SCN8A: variants seen among roughly 807,000 people sequenced by gnomAD.
SCN8A encodes the protein sodium voltage-gated channel alpha subunit 8.
In SCN8A, 30 loss-of-function variants were observed where a neutral mutation model predicts 184.1. The observed-to-expected ratio is 0.16, with a 90% CI of 0.12 to 0.22. SCN8A has a LOEUF of 0.22. Ranked by LOEUF, SCN8A falls within the 10% of genes least tolerant of loss-of-function variation. SCN8A has a pLI of 1.00. For missense variants in SCN8A, 1,057 were observed against 2,498.9 expected (o/e 0.42, Z 12.30); for synonymous variants, 852 against 907.0 (o/e 0.94, Z 1.09).
At chr12:51,599,018 C>T (rs973085012) in intron 1 of SCN8A, among the ~76,000 whole-genome samples, 1 of 152,084 alleles carries the variant, frequency 6.6e-6, no homozygotes, top group Admixed American at 6.6e-5. Context: ...TCCTACTAAC[C>T]TACATTGCTT....
intron 2 of SCN8A, among the ~76,000 whole-genome samples, chr12:51,675,286 G>A (rs1489043127): frequency 6.6e-6 from 1 of 152,234 alleles, no homozygotes; most frequent in Non-Finnish European, 1.5e-5. Flanking sequence ...TGACCAGAAC[G>A]TGAGCAGGAA....
chr12:51,732,308 AC>A (rs1184036607), intron 12 of SCN8A, among the ~76,000 whole-genome samples: 2 of 152,034 alleles, frequency 1.3e-5, no homozygotes, highest in Non-Finnish European at 2.9e-5. Flanking sequence ...TTTTCCCAGA[AC>A]CATTTATTGA....
In SCN8A at chr12:51,721,631, T is replaced by G; in HGVS notation, c.1721T>G (p.Phe574Cys). 6.2e-7 allele frequency: 1 copy of G among 1,612,728 alleles called. No homozygotes were observed. The highest frequency in any genetic ancestry group is 1.1e-5 in the South Asian group (1 of 90,694). ...SIFSFRGPGR[F>C]RDPGSENEFA... ...TTCAGTTTCAGGGGACCTGGGCGGT[T>G]CCGAGACCCGGGCTCCGAGAATGAG... Residue 574 changes from phenylalanine to cysteine, a missense_variant, in exon 12 of 27, where the codon TTC (phenylalanine) becomes TGC (cysteine). Physicochemically the swap from Phe to Cys is radical, Grantham distance 205 (BLOSUM62 -2). Transcript: ENST00000627620.
intron 1 of SCN8A, among the ~76,000 whole-genome samples, chr12:51,615,246 T>G (rs755416816): frequency 6.8e-4 from 104 of 152,310 alleles, no homozygotes; most frequent in Non-Finnish European, 1.3e-3. Flanking sequence ...TATTACCACT[T>G]TAAGTGGAAT....
intron 26 of SCN8A, among the ~76,000 whole-genome samples, chr12:51,798,096 T>A (rs1471519893): frequency 6.6e-6 from 1 of 152,172 alleles, no homozygotes; most frequent in Admixed American, 6.5e-5. Flanking sequence ...CTGGAGAACT[T>A]TGCCCCAGCC....
At chr12:51,607,931 G>T (rs1939630985) in intron 1 of SCN8A, among the ~76,000 whole-genome samples, 2 of 151,878 alleles carry the variant, frequency 1.3e-5, no homozygotes, top group African/African-American at 4.8e-5. Flanking sequence ...TTAGGGTGAT[G>T]CTGGCTTCAT....
At chr12:51,786,394 G>T in intron 21 of SCN8A, 148 bp from the exon 22 acceptor site, 1 of 904,432 alleles carries the variant, frequency 1.1e-6, no homozygotes. Flanking sequence ...GGTCCTACTT[G>T]TCAGTCTGTC....
intron 1 of SCN8A, among the ~76,000 whole-genome samples, chr12:51,648,925 C>T (rs1480140669): frequency 2.0e-5 from 3 of 152,180 alleles, no homozygotes; most frequent in Non-Finnish European, 2.9e-5. Context: ...TCCAAAGTCT[C>T]ATCTGAGATG....
At chr12:51,776,833 C>T (rs944287392) in intron 20 of SCN8A, among the ~76,000 whole-genome samples, 3 of 152,202 alleles carry the variant, frequency 2.0e-5, no homozygotes, top group Admixed American at 6.5e-5. Flanking sequence ...TGTTACTCAT[C>T]GCATTTGTTT....
chr12:51,616,008 A>G (rs1188891077), intron 1 of SCN8A, among the ~76,000 whole-genome samples: 1 of 152,162 alleles, frequency 6.6e-6, no homozygotes, highest in Non-Finnish European at 1.5e-5. Context: ...GTGAGACTAC[A>G]GGCGTGAGCC....
chr12:51,689,132 A>G lies in SCN8A; in HGVS notation c.706+36A>G, dbSNP rs189697621. ...TTGTACATAAGACTGACTTTGCCACATCTCCTCTTTCTCCTCCATTCGTTT... is the reference window on the plus strand; with the variant it reads ...TTGTACATAAGACTGACTTTGCCACGTCTCCTCTTTCTCCTCCATTCGTTT... On this transcript the variant is annotated intron_variant, in intron 6 of 26. Transcript: ENST00000627620. 1,165 of 1,452,564 alleles carry G rather than the reference A, an allele frequency of 8.0e-4. 4 individuals carry two copies. The highest frequency in any genetic ancestry group is 3.1e-3 in the Admixed American group (164 of 53,296). 90.0% of individuals were successfully genotyped at this position (1,452,564 alleles called of 1,614,324 possible).
chr12:51,609,582 G>T (rs769895380), intron 1 of SCN8A, among the ~76,000 whole-genome samples: 1 of 151,998 alleles, frequency 6.6e-6, no homozygotes, highest in Non-Finnish European at 1.5e-5. Flanking sequence ...AGTTTGTTTT[G>T]TCTGATATAA....
At chr12:51,682,362 A>G (rs1455417728) in intron 2 of SCN8A, among the ~76,000 whole-genome samples, 1 of 152,152 alleles carries the variant, frequency 6.6e-6, no homozygotes, top group Non-Finnish European at 1.5e-5. Context: ...GTTCTCTTCT[A>G]TTTTGTGGGA....
At position 51,769,231 on chromosome 12, in the gene SCN8A, C is replaced by T. The variant is rs1565918102; in HGVS notation, c.3268C>T (p.Pro1090Ser). ...DEDHMSFINNPNLTVRVPIAV... is the reference protein window; with the variant it reads ...DEDHMSFINNSNLTVRVPIAV... ...GGACCACATGTCCTTCATCAACAAC[C>T]CCAACTTGACTGTACGGGTACCCAT... is the stretch of plus-strand genomic sequence containing the variant. The change falls in exon 17 of 27, where the codon CCC (proline) becomes TCC (serine). Residue 1090 changes from proline (P) to serine (S), a missense_variant. By Grantham distance (74) the Pro-to-Ser change is moderately conservative. This residue lies in a region of SCN8A where 178 missense variants were observed against 259.6 expected (regional missense o/e 0.69). Transcript: ENST00000627620. 1 of 1,613,972 alleles carries T rather than the reference C, an allele frequency of 6.2e-7. No individual in the cohort carries two copies.
At chr12:51,723,117 T>C (rs1942095484) in intron 12 of SCN8A, 1 of 152,216 alleles carries the variant, frequency 6.6e-6, no homozygotes, top group Non-Finnish European at 1.5e-5. Flanking sequence ...GTTTATTGAA[T>C]GTATAGATAA....
intron 1 of SCN8A, among the ~76,000 whole-genome samples, chr12:51,608,182 G>A (rs748754465): frequency 5.9e-5 from 9 of 151,780 alleles, no homozygotes; most frequent in African/African-American, 1.5e-4. Context: ...CACCGTGCCC[G>A]GCTAATTTTT....
At chr12:51,704,195 C>G (rs1446009924) in intron 9 of SCN8A, among the ~76,000 whole-genome samples, 1 of 151,882 alleles carries the variant, frequency 6.6e-6, no homozygotes, top group Non-Finnish European at 1.5e-5. Flanking sequence ...CGTGCCTGGC[C>G]CATTTTGTGG....
chr12:51,623,826 C>T (rs1309970784), intron 1 of SCN8A, among the ~76,000 whole-genome samples: 4 of 152,120 alleles, frequency 2.6e-5, no homozygotes, highest in East Asian at 1.9e-4. Context: ...CATGTGTTCT[C>T]ATTGTTCAAT....
chr12:51,618,996 T>TA (rs1939905397), intron 1 of SCN8A, among the ~76,000 whole-genome samples: 2 of 152,184 alleles, frequency 1.3e-5, no homozygotes. Flanking sequence ...CTTCCTCAGT[T>TA]ACCTACCTCC....
Sources: allele counts gnomAD v4.1 joint callset (sites outside exome capture counted in the v4.1 genomes callset), GRCh38; gene constraint gnomAD v4.1.1; regional missense constraint gnomAD v4.1.1; transcripts MANE v1.5; gene names NCBI Gene and HGNC (gene_info 2026-07-23, HGNC 2026-07-21).